RGS12: variants seen among roughly 807,000 people sequenced by gnomAD.
RGS12 encodes regulator of G protein signaling 12.
Under a neutral mutation model 120.1 loss-of-function variants are expected in RGS12, and 66 were observed. The ratio of observed to expected loss-of-function variants is 0.55; its 90% CI spans 0.45 to 0.67. The LOEUF is 0.67. Among genes scored for constraint, RGS12 ranks in the 30% least tolerant of loss-of-function variants. The pLI is 0.00. For missense variants in RGS12, 1,859 were observed against 1,957.7 expected (o/e 0.95, Z 0.95); for synonymous variants, 827 against 804.7 (o/e 1.03, Z -0.47).
intron 3 of RGS12, among the ~76,000 whole-genome samples, chr4:3,375,100 G>A (rs1226599992): frequency 1.3e-5 from 2 of 152,218 alleles, no homozygotes; most frequent in Non-Finnish European, 2.9e-5. Flanking sequence ...GCTGCCAGGA[G>A]GGGTCGGAGC....
At chr4:3,285,919 G>A in the RGS12 span, among the ~76,000 whole-genome samples, 1 of 152,196 alleles carries the variant, frequency 6.6e-6, no homozygotes, top group African/African-American at 2.4e-5. Context: ...CCTCAGCTTC[G>A]CCGTGAGGAA....
At chr4:3,426,726 C>G (rs1187331546) in intron 14 of RGS12, 2 of 152,080 alleles carry the variant, frequency 1.3e-5, no homozygotes, top group African/African-American at 2.4e-5. Flanking sequence ...GAGAACCGTG[C>G]GTGAGGAAGG....
intron 14 of RGS12, among the ~76,000 whole-genome samples, chr4:3,426,303 A>G (rs1002051159): frequency 6.0e-5 from 1 of 16,612 alleles, no homozygotes; most frequent in Non-Finnish European, 1.2e-4. Context: ...AGTGCAGGGG[A>G]GGGGGTGAGT....
At chr4:3,420,606 CT>C in intron 9 of RGS12, 35 bp from the exon 10 acceptor site, 1 of 1,605,446 alleles carries the variant, frequency 6.2e-7, no homozygotes, top group Non-Finnish European at 8.5e-7. Flanking sequence ...AAACAGGGTT[CT>C]GATTGACGTG....
At chr4:3,361,007 T>A (rs1406509718) in intron 3 of RGS12, among the ~76,000 whole-genome samples, 1 of 152,224 alleles carries the variant, frequency 6.6e-6, no homozygotes, top group Non-Finnish European at 1.5e-5. Flanking sequence ...ATAAGATCCC[T>A]ACACGGAAGC....
At chr4:3,376,481 G>T (rs190557852) in intron 3 of RGS12, among the ~76,000 whole-genome samples, 1 of 152,120 alleles carries the variant, frequency 6.6e-6, no homozygotes, top group East Asian at 1.9e-4. Context: ...AGGGGCCATC[G>T]AAGTCCTTGC....
intron 10 of RGS12, among the ~76,000 whole-genome samples, chr4:3,421,500 T>C (rs1306359333): frequency 6.6e-6 from 1 of 152,248 alleles, no homozygotes; most frequent in Non-Finnish European, 1.5e-5. Flanking sequence ...CTGGGTCGCC[T>C]GGGTGGTTCT....
chr4:3,303,447 C>T (rs557988706), intron 1 of RGS12, among the ~76,000 whole-genome samples: 2 of 152,368 alleles, frequency 1.3e-5, no homozygotes, highest in South Asian at 2.1e-4. Context: ...CTGGAACCAG[C>T]AGTGCTGTAT....
At chr4:3,408,642 C>T (rs150486073) in intron 4 of RGS12, among the ~76,000 whole-genome samples, 23 of 152,344 alleles carry the variant, frequency 1.5e-4, no homozygotes, top group African/African-American at 5.3e-4. Flanking sequence ...GGAGGGTCCA[C>T]GTGCCCAGCA....
At chr4:3,409,685 G>A (rs1180282029) in intron 4 of RGS12, among the ~76,000 whole-genome samples, 1 of 152,228 alleles carries the variant, frequency 6.6e-6, no homozygotes, top group African/African-American at 2.4e-5. Flanking sequence ...AGCAAGGGAG[G>A]CAGACGGTTC....
chr4:3,320,886 T>C (rs1725135738), intron 2 of RGS12, among the ~76,000 whole-genome samples: 1 of 152,136 alleles, frequency 6.6e-6, no homozygotes, highest in Non-Finnish European at 1.5e-5. Flanking sequence ...TGGCCTGTGC[T>C]GAGAGAAGGG....
At chr4:3,287,495 C>T in the RGS12 span, among the ~76,000 whole-genome samples, 1 of 152,268 alleles carries the variant, frequency 6.6e-6, no homozygotes, top group African/African-American at 2.4e-5. Flanking sequence ...ACGCCACACA[C>T]GTGGCCAAGC....
chr4:3,361,426 C>T (rs1204116300), intron 3 of RGS12, among the ~76,000 whole-genome samples: 8 of 152,082 alleles, frequency 5.3e-5, no homozygotes, highest in African/African-American at 1.2e-4. Flanking sequence ...ACTTTTTTCC[C>T]GCCCTTTTGA....
At chr4:3,295,373 G>A (rs1444048409) in intron 1 of RGS12, among the ~76,000 whole-genome samples, 2 of 152,128 alleles carry the variant, frequency 1.3e-5, no homozygotes, top group African/African-American at 4.8e-5. Context: ...AAAATAATCA[G>A]GCTGGGCTGG....
At position 3,317,521 on chromosome 4, in the gene RGS12, G is replaced by A. The variant is rs370026603; in HGVS notation, c.1351G>A (p.Gly451Ser). 6.0e-5 allele frequency: 97 copies of A among 1,611,882 alleles called. 1 individual carries two copies. The highest frequency in any genetic ancestry group is 6.9e-5 in the Non-Finnish European group (82 of 1,179,946). ...CCTGGGTGGGAGCTCGAGCAGACAC[G>A]GCCCCGGAGGCAGCGCGTGGGACGG... ...VDLGGSSSRH[G>S]PGGSAWDGVG... Residue 451 changes from glycine to serine, a missense_variant, in exon 2 of 18, where the codon GGC becomes AGC. Physicochemically the swap from Gly to Ser is moderately conservative, Grantham distance 56 (BLOSUM62 0). Around this residue, in one of 3 missense-constraint regions of RGS12, gnomAD observed 967 missense variants for 994.2 expected, o/e 0.97. Transcript: ENST00000336727.
rs141967621 is a variant in RGS12 at position 3,317,307 on chromosome 4, C to T, written c.1137C>T (p.Ser379=). ...GCTGTCTGGAATTCCCGGCGTCCTC[C>T]CTCCCCGTCCTGCAGTTCATCTCTG... ...TNGCLEFPAS[S]LPVLQFISVL... Residue 379 remains serine (S), a synonymous_variant, in exon 2 of 18, where the codon TCC becomes TCT. Coordinates refer to ENST00000336727, the MANE Select transcript of RGS12 (RefSeq NM_001394154.1). The T allele has an allele frequency of 1.3e-3, 2,101 of 1,614,170 alleles. 4 individuals are homozygous for T. Among genetic ancestry groups the T allele is most frequent in the Non-Finnish European group, 1.6e-3 (1,907 of 1,180,034 alleles).
At chr4:3,288,530 G>A (rs546290931), upstream of RGS12, among the ~76,000 whole-genome samples, 3 of 152,260 alleles carry the variant, frequency 2.0e-5, no homozygotes, top group Admixed American at 6.5e-5. The surrounding 1 kb of genome is among the most constrained non-coding windows in gnomAD (Gnocchi z 5.2). Context: ...AAGCTCTGAC[G>A]AACCCCAACT....
chr4:3,363,478 C>T (rs1408780814), intron 3 of RGS12, among the ~76,000 whole-genome samples: 1 of 151,540 alleles, frequency 6.6e-6, no homozygotes, highest in African/African-American at 2.4e-5. Flanking sequence ...CGGTAAGGAG[C>T]CGCGGGGCCT....
chr4:3,366,088 C>T lies in RGS12; in HGVS notation c.1999-20328C>T, dbSNP rs1716271628. Among the ~76,000 whole-genome samples, 1 of 152,022 alleles carries T rather than the reference C, an allele frequency of 6.6e-6. No homozygotes were observed. The highest frequency in any genetic ancestry group is 2.1e-4 in the South Asian group (1 of 4,808). Reference sequence around the variant, plus strand: ...TGCAGGCCAGGCAGTGGTGGGACCTCATCTGGGGGGTGCTGGCCTGGGCAG... The same window carrying T: ...TGCAGGCCAGGCAGTGGTGGGACCTTATCTGGGGGGTGCTGGCCTGGGCAG... On this transcript the variant is annotated intron_variant, in intron 3 of 17. Coordinates refer to ENST00000336727, the MANE Select transcript of RGS12 (RefSeq NM_001394154.1). The surrounding 1 kb of genome is among the most constrained non-coding windows in gnomAD (Gnocchi z 4.0).
Sources: gnomAD v4.1 joint callset for allele counts (sites outside exome capture counted in the v4.1 genomes callset) on GRCh38, gnomAD v4.1.1 for gene constraint, gnomAD v4.1.1 regional missense constraint, Gnocchi (gnomAD v3.1) non-coding constraint, MANE v1.5 for transcripts, NCBI Gene and HGNC (gene_info 2026-07-23, HGNC 2026-07-21) for gene names.